Variants in PLEKHG1 observed in about 807,000 individuals in gnomAD.
The protein encoded by PLEKHG1 is pleckstrin homology and RhoGEF domain containing G1.
PLEKHG1 carries 44 observed loss-of-function variants against 100.8 expected under a neutral mutation model. The observed-to-expected ratio is 0.44, with a 90% CI of 0.34 to 0.56. PLEKHG1 has a LOEUF of 0.56. Among genes scored for constraint, PLEKHG1 ranks in the 20% least tolerant of loss-of-function variants. The pLI is 0.01. For synonymous variants in PLEKHG1, 640 were observed against 662.5 expected (o/e 0.97, Z 0.52); for missense variants, 1,545 against 1,720.9 (o/e 0.90, Z 1.81).
intron 1 of PLEKHG1, among the ~76,000 whole-genome samples, chr6:150,623,419 A>G (rs761995760): frequency 7.9e-5 from 12 of 152,216 alleles, no homozygotes; most frequent in Non-Finnish European, 1.6e-4. Context: ...CGCAAATAAC[A>G]AATGTCGCAT....
At chr6:150,810,296 G>T (rs1278966723) in intron 10 of PLEKHG1, among the ~76,000 whole-genome samples, 1 of 147,970 alleles carries the variant, frequency 6.8e-6, no homozygotes, top group Non-Finnish European at 1.5e-5. Context: ...TCCAGACAGG[G>T]TCTCACTCTG....
intron 3 of PLEKHG1, among the ~76,000 whole-genome samples, chr6:150,714,196 C>T (rs975697127): frequency 1.3e-5 from 2 of 152,164 alleles, no homozygotes; most frequent in African/African-American, 4.8e-5. Flanking sequence ...CCGATGGTGT[C>T]CTTAGAGATG....
chr6:150,686,994 T>C (rs1239942445), intron 3 of PLEKHG1: 1 of 152,684 alleles, frequency 6.5e-6, no homozygotes, highest in African/African-American at 2.4e-5. Context: ...ATTCAGGGTA[T>C]GTTTGACACC....
chr6:150,738,516 C>A (rs1782688837), intron 2 of PLEKHG1, among the ~76,000 whole-genome samples: 1 of 152,038 alleles, frequency 6.6e-6, no homozygotes, highest in Non-Finnish European at 1.5e-5. Flanking sequence ...TGTGTTATGC[C>A]CTTCTTTCCC....
At chr6:150,620,460 C>T (rs924773115) in intron 1 of PLEKHG1, among the ~76,000 whole-genome samples, 8 of 152,232 alleles carry the variant, frequency 5.3e-5, no homozygotes, top group African/African-American at 1.9e-4. Context: ...CCCCAGACCC[C>T]TTCAGTATTT....
intron 3 of PLEKHG1, among the ~76,000 whole-genome samples, chr6:150,670,192 C>A (rs1329033616): frequency 1.3e-5 from 2 of 152,056 alleles, no homozygotes; most frequent in African/African-American, 4.8e-5. Flanking sequence ...AGTAAATAAA[C>A]AATGAGGAAT....
chr6:150,689,855 C>CAA (rs58356927), intron 3 of PLEKHG1, among the ~76,000 whole-genome samples: 3 of 84,670 alleles, frequency 3.5e-5, no homozygotes, highest in Non-Finnish European at 5.1e-5. Context: ...AACTCTGTCT[C>CAA]AAAAAAAAAA....
At chr6:150,658,149 A>C (rs1451887745) in intron 3 of PLEKHG1, among the ~76,000 whole-genome samples, 3 of 151,966 alleles carry the variant, frequency 2.0e-5, no homozygotes, top group African/African-American at 7.3e-5. Flanking sequence ...TTTCAGTTGC[A>C]TTGTCCAGGG....
At chr6:150,829,553 G>A (rs1266203688) in intron 14 of PLEKHG1, among the ~76,000 whole-genome samples, 1 of 152,176 alleles carries the variant, frequency 6.6e-6, no homozygotes, top group African/African-American at 2.4e-5. Flanking sequence ...AGGAGGCAGA[G>A]GTTGCAGTGA....
intron 7 of PLEKHG1, 95 bp downstream of exon 8, chr6:150,804,836 A>G (rs1007113655): frequency 3.9e-5 from 44 of 1,136,260 alleles, no homozygotes; most frequent in Non-Finnish European, 5.2e-5. Flanking sequence ...GTACTGCACT[A>G]CACTCATCAT....
chr6:150,666,959 C>T (rs1025657900), intron 3 of PLEKHG1, among the ~76,000 whole-genome samples: 1 of 152,032 alleles, frequency 6.6e-6, no homozygotes, highest in Non-Finnish European at 1.5e-5. Context: ...GGAGTTTCAC[C>T]GCGTTAGCCA....
intron 4 of PLEKHG1, among the ~76,000 whole-genome samples, chr6:150,786,899 G>A (rs949228447): frequency 4.6e-5 from 7 of 151,890 alleles, no homozygotes; most frequent in Non-Finnish European, 8.8e-5. Context: ...GCGTGGTGGT[G>A]TGCCTGTAAT....
At chr6:150,618,254 C>A (rs1015602917) in intron 1 of PLEKHG1, among the ~76,000 whole-genome samples, 4 of 152,176 alleles carry the variant, frequency 2.6e-5, no homozygotes, top group African/African-American at 7.2e-5. Flanking sequence ...CAGAACTTTA[C>A]TCATTTGCCA....
intron 3 of PLEKHG1, among the ~76,000 whole-genome samples, chr6:150,780,049 A>G (rs1341031599): frequency 8.6e-5 from 13 of 151,984 alleles, no homozygotes. Flanking sequence ...AGACCAGGAC[A>G]CAATACATCC....
At chr6:150,681,513 AAAG>A (rs1309265228) in intron 3 of PLEKHG1, among the ~76,000 whole-genome samples, 3 of 148,296 alleles carry the variant, frequency 2.0e-5, no homozygotes, top group Non-Finnish European at 4.6e-5. Flanking sequence ...AAAAAAAAAA[AAAG>A]AAAGGATAAT....
chr6:150,818,990 A>G (rs1776143615), intron 11 of PLEKHG1, among the ~76,000 whole-genome samples: 1 of 152,190 alleles, frequency 6.6e-6, no homozygotes. Flanking sequence ...CATTCCCACC[A>G]TCGCTGCAGC....
At chr6:150,782,888 A>G (rs932652540) in intron 3 of PLEKHG1, among the ~76,000 whole-genome samples, 5 of 152,188 alleles carry the variant, frequency 3.3e-5, no homozygotes, top group African/African-American at 1.2e-4. Context: ...AAATGAAGAT[A>G]CTCAGAATTT....
intron 3 of PLEKHG1, among the ~76,000 whole-genome samples, chr6:150,668,063 G>A (rs947440771): frequency 2.0e-5 from 3 of 152,206 alleles, no homozygotes; most frequent in African/African-American, 7.2e-5. Flanking sequence ...GATTGATGCC[G>A]AAAGTCTCAT....
At chr6:150,674,628 C>CTCTCTCTCTCTCTCTCTCTCT in intron 3 of PLEKHG1, among the ~76,000 whole-genome samples, 1 of 51,898 alleles carries the variant, frequency 1.9e-5, no homozygotes, top group South Asian at 6.9e-4. Context: ...TTCTCTCTCT[C>CTCTCTCTCTCTCTCTCTCTCT]CTCCCTCTCT....
Sources: gnomAD v4.1 joint callset for allele counts (sites outside exome capture counted in the v4.1 genomes callset) on GRCh38, gnomAD v4.1.1 for gene constraint, MANE v1.5 for transcripts, NCBI Gene and HGNC (gene_info 2026-07-23, HGNC 2026-07-21) for gene names.